Variants in PCDH1 observed in about 807,000 individuals in gnomAD.
PCDH1 encodes the protein protocadherin 1.
PCDH1 carries 23 observed loss-of-function variants against 74.6 expected under a neutral mutation model. That is an observed-to-expected ratio of 0.31 (90% CI 0.22 to 0.44). The LOEUF is 0.44. PCDH1 is among the 20% of genes least tolerant of loss of function. The pLI, the probability that PCDH1 is intolerant of heterozygous loss-of-function variation, is 1.00. For missense variants in PCDH1, 1,214 were observed against 1,641.4 expected (o/e 0.74, Z 4.50); for synonymous variants, 647 against 686.1 (o/e 0.94, Z 0.89).
intron 1 of PCDH1, among the ~76,000 whole-genome samples, chr5:141,871,072 C>T (rs1338549630): frequency 1.3e-5 from 2 of 152,252 alleles, no homozygotes; most frequent in African/African-American, 2.4e-5. Context: ...GACTGGGACA[C>T]CGCCCGCCTG....
intron 3 of PCDH1, among the ~76,000 whole-genome samples, chr5:141,862,095 CAG>C (rs1752590300): frequency 6.6e-6 from 1 of 152,156 alleles, no homozygotes; most frequent in African/African-American, 2.4e-5. Context: ...TGGGGAGACA[CAG>C]GGGAGGGCCA....
intron 2 of PCDH1, among the ~76,000 whole-genome samples, chr5:141,866,616 A>G (rs573420153): frequency 6.6e-6 from 1 of 152,136 alleles, no homozygotes. Flanking sequence ...AATCCCAGTT[A>G]TACCACTTCC....
intron 1 of PCDH1, among the ~76,000 whole-genome samples, chr5:141,871,479 A>G (rs889135067): frequency 3.3e-5 from 5 of 152,348 alleles, no homozygotes; most frequent in South Asian, 4.1e-4. Flanking sequence ...CCAGCTGCTC[A>G]CTTCCTGGCT....
chr5:141,863,467 G>T lies in PCDH1; in HGVS notation c.2864C>A (p.Pro955His), dbSNP rs768679246. 2 of 1,587,132 alleles carry T rather than the reference G, an allele frequency of 1.3e-6. No individual in the cohort carries two copies. The highest frequency in any genetic ancestry group is 1.7e-6 in the Non-Finnish European group (2 of 1,165,726). The change falls in exon 3 of 5, where the codon CCC (proline) becomes CAC (histidine). Residue 955 changes from proline (P) to histidine (H), a missense_variant. Pro to His is a moderately conservative substitution (Grantham distance 77). Coordinates refer to ENST00000287008, the MANE Select transcript of PCDH1 (RefSeq NM_032420.5). The surrounding 1 kb of genome is among the most constrained non-coding windows in gnomAD (Gnocchi z 7.5). Reference sequence around the variant, plus strand: ...AGGGCTGCCTGGTGGGTAGTTGAGGGGCAGGTGGATGCGGGGACTGTCCCC... The same window carrying T: ...AGGGCTGCCTGGTGGGTAGTTGAGGTGCAGGTGGATGCGGGGACTGTCCCC... ...APGDSPRIHL[P>H]LNYPPGSPDL...
intron 2 of PCDH1, among the ~76,000 whole-genome samples, chr5:141,866,788 A>C (rs997413801): frequency 3.3e-5 from 5 of 152,208 alleles, no homozygotes; most frequent in African/African-American, 1.2e-4. Flanking sequence ...GCACAGGGAA[A>C]GTGCTCCCTA....
chr5:141,873,132 CT>C (rs879505435), intron 1 of PCDH1, among the ~76,000 whole-genome samples: 192 of 144,368 alleles, frequency 1.3e-3, no homozygotes, highest in Admixed American at 1.4e-3. Flanking sequence ...CCTGCAAACT[CT>C]TTTTTTTTTT....
At chr5:141,875,714 A>G (rs1441041519) in intron 1 of PCDH1, among the ~76,000 whole-genome samples, 1 of 152,054 alleles carries the variant, frequency 6.6e-6, no homozygotes, top group East Asian at 1.9e-4. Flanking sequence ...TAAAAACTAA[A>G]TGCGGCCAGA....
rs963076725 is a variant in PCDH1 at position 141,869,808 on chromosome 5, C to T, written c.41-377G>A. The T allele has an allele frequency of 6.1e-5, 60 of 985,368 alleles. No individual in the cohort carries two copies. Among genetic ancestry groups the T allele is most frequent in the Admixed American group, 1.2e-4 (2 of 16,290 alleles). 61.0% of individuals were successfully genotyped at this position (985,368 alleles called of 1,614,324 possible). A position where few individuals can be genotyped will look rare whatever the true frequency, so the allele number is the denominator to read the frequency against. ...CCCAACACCTCCTTCTCACGAGCAT[C>T]CTGCCTTAGTCACCGATGGTAATTA... On this transcript the variant is annotated intron_variant, in intron 1 of 4. Coordinates refer to ENST00000287008, the MANE Select transcript of PCDH1 (RefSeq NM_032420.5). This position sits in a 1 kb window ranked among gnomAD's most constrained non-coding sequence, Gnocchi z 4.9.
Position 141,864,190 on chromosome 5 carries a change from T to G in PCDH1, c.2141A>C (p.Tyr714Ser). Reference sequence around the variant, plus strand: ...AGAGGTGTTAGAAGGGGCAGTGATATAGGGTGCGTTGTCATTCTCGTCCAG... The same window carrying G: ...AGAGGTGTTAGAAGGGGCAGTGATAGAGGGTGCGTTGTCATTCTCGTCCAG... The part of the protein sequence containing the change: ...NVLDENDNAP[Y>S]ITAPSNTSHK... The change falls in exon 3 of 5, where the codon TAT (tyrosine) becomes TCT (serine). Residue 714 changes from tyrosine (Y) to serine (S), a missense_variant. By Grantham distance (144) the Tyr-to-Ser change is moderately radical (BLOSUM62 -2). Around this residue, in one of 4 missense-constraint regions of PCDH1, gnomAD observed 836 missense variants for 1,182.2 expected, o/e 0.71. Coordinates refer to ENST00000287008, the MANE Select transcript of PCDH1 (RefSeq NM_032420.5). This position sits in a 1 kb window ranked among gnomAD's most constrained non-coding sequence, Gnocchi z 5.9. The G allele has an allele frequency of 6.2e-7, 1 of 1,607,206 alleles. No individual in the cohort carries two copies. Among genetic ancestry groups the G allele is most frequent in the Non-Finnish European group, 8.5e-7 (1 of 1,174,874 alleles).
chr5:141,872,134 C>G (rs562091461), intron 1 of PCDH1, among the ~76,000 whole-genome samples: 45 of 145,404 alleles, frequency 3.1e-4, no homozygotes, highest in Non-Finnish European at 5.6e-4. Flanking sequence ...CCCCACCCCC[C>G]CCCTCCACCT....
chr5:141,855,459 G>A (rs933528135), intron 4 of PCDH1, among the ~76,000 whole-genome samples: 1 of 152,008 alleles, frequency 6.6e-6, no homozygotes, highest in African/African-American at 2.4e-5. Flanking sequence ...TCATTGAATT[G>A]ATTGACACAA....
chr5:141,868,971 G>A lies in PCDH1; in HGVS notation c.501C>T (p.Asn167=). Reference sequence around the variant, plus strand: ...CCAGAGTGATGACTGGTGAGGCGAAGTTGGGTGTGTTGTCATTGATGTCTT... The same window carrying A: ...CCAGAGTGATGACTGGTGAGGCGAAATTGGGTGTGTTGTCATTGATGTCTT... The part of the protein sequence containing the change: ...EVQDINDNTP[N]FASPVITLAI... Residue 167 remains asparagine, a synonymous_variant, in exon 2 of 5, where the codon AAC becomes AAT. Coordinates refer to ENST00000287008, the MANE Select transcript of PCDH1 (RefSeq NM_032420.5). The surrounding 1 kb of genome is among the most constrained non-coding windows in gnomAD (Gnocchi z 4.8). 6.2e-7 allele frequency: 1 copy of A among 1,614,234 alleles called. No individual in the cohort carries two copies. The highest frequency in any genetic ancestry group is 2.2e-5 in the East Asian group (1 of 44,878).
chr5:141,868,449 G>GGT lies in PCDH1; in HGVS notation c.903+118_903+119dup. 2 of 1,454,382 alleles carry GGT rather than the reference G, an allele frequency of 1.4e-6. No homozygotes were observed. 90.1% of individuals were successfully genotyped at this position (1,454,382 alleles called of 1,614,324 possible). Reference sequence around the variant, plus strand: ...CCCCTGGCTGAGTTTGGGGAGAAGGGGTCTCACTACAGTATTCTGGCAGTT... The same window carrying GGT: ...CCCCTGGCTGAGTTTGGGGAGAAGGGGTGTCTCACTACAGTATTCTGGCAGTT... On this transcript the variant is annotated intron_variant, in intron 2 of 4. Coordinates refer to ENST00000287008, the MANE Select transcript of PCDH1 (RefSeq NM_032420.5). The surrounding 1 kb of genome is among the most constrained non-coding windows in gnomAD (Gnocchi z 4.8).
chr5:141,863,054 C>A lies in PCDH1; in HGVS notation c.3099+178G>T. 7.4e-7 allele frequency: 1 copy of A among 1,355,842 alleles called. No individual in the cohort carries two copies. 84.0% of individuals were successfully genotyped at this position (1,355,842 alleles called of 1,614,324 possible). Reference sequence around the variant, plus strand: ...CACCCTCCCTTAATCTTCACTCAGCCTAATCCGTGTGCCCGGTGAGGCACT... The same window carrying A: ...CACCCTCCCTTAATCTTCACTCAGCATAATCCGTGTGCCCGGTGAGGCACT... On this transcript the variant is annotated intron_variant, in intron 3 of 4. Transcript: ENST00000287008. The surrounding 1 kb of genome is among the most constrained non-coding windows in gnomAD (Gnocchi z 7.5).
intron 1 of PCDH1, among the ~76,000 whole-genome samples, chr5:141,870,439 G>A (rs1448920631): frequency 6.6e-6 from 1 of 152,212 alleles, no homozygotes; most frequent in East Asian, 1.9e-4. Flanking sequence ...GGCATTGGGA[G>A]CTGCCCTGGC....
rs115387402 is a variant in PCDH1, at chr5:141,873,860, G to T, written c.40+4363C>A. Among the ~76,000 whole-genome samples, 173 of 152,130 alleles carry T rather than the reference G, an allele frequency of 1.1e-3. 1 individual carries two copies. Among genetic ancestry groups the T allele is most frequent in the African/African-American group, 4.1e-3 (170 of 41,512 alleles). On this transcript the variant is annotated intron_variant, in intron 1 of 4. Coordinates refer to ENST00000287008, the MANE Select transcript of PCDH1 (RefSeq NM_032420.5). ...TCAGTACTAAGCATTTTACACACATGATCTCTTTCCTCCCAACCCTCTCAA... is the reference window on the plus strand; with the variant it reads ...TCAGTACTAAGCATTTTACACACATTATCTCTTTCCTCCCAACCCTCTCAA...
Position 141,869,576 on chromosome 5 carries a change from T to C in PCDH1, c.41-145A>G. On this transcript the variant is annotated intron_variant, in intron 1 of 4. Transcript: ENST00000287008. The surrounding 1 kb of genome is among the most constrained non-coding windows in gnomAD (Gnocchi z 4.9). ...AGTCAGTCCCAGCACAGAACCCCGA[T>C]TCCAGAAACTCAGATCCCTGAATCT... 7.2e-6 allele frequency: 11 copies of C among 1,535,430 alleles called. No individual in the cohort carries two copies. Among genetic ancestry groups the C allele is most frequent in the Non-Finnish European group, 9.6e-6 (11 of 1,146,898 alleles).
rs771245367 is a variant in PCDH1 at position 141,863,493 on chromosome 5, A to C, written c.2838T>G (p.Pro946=). The change falls in exon 3 of 5, where the codon CCT becomes CCG. Residue 946 remains proline, a synonymous_variant. Coordinates refer to ENST00000287008, the MANE Select transcript of PCDH1 (RefSeq NM_032420.5). The surrounding 1 kb of genome is among the most constrained non-coding windows in gnomAD (Gnocchi z 7.5). ...SLKFNLMSDA[P]GDSPRIHLPL... ...GCAGGTGGATGCGGGGACTGTCCCC[A>C]GGGGCATCGCTCATCAGGTTGAACT... The C allele has an allele frequency of 6.2e-7, 1 of 1,610,716 alleles. No homozygotes were observed. The highest frequency in any genetic ancestry group is 2.2e-5 in the East Asian group (1 of 44,838).
chr5:141,867,525 TGGCACCTA>T (rs1179099913), intron 2 of PCDH1: 1 of 449,090 alleles, frequency 2.2e-6, no homozygotes, highest in East Asian at 7.0e-5. Context: ...GAACGGTGCC[TGGCACCTA>T]GGCTATTATT....
Sources: gnomAD v4.1 joint callset for allele counts (sites outside exome capture counted in the v4.1 genomes callset) on GRCh38, gnomAD v4.1.1 for gene constraint, gnomAD v4.1.1 regional missense constraint, Gnocchi (gnomAD v3.1) non-coding constraint, MANE v1.5 for transcripts, NCBI Gene and HGNC (gene_info 2026-07-23, HGNC 2026-07-21) for gene names.